HOMER1: variants seen among roughly 807,000 people sequenced by gnomAD.
HOMER1 encodes homer scaffold protein 1, also known as homer protein homolog 1.
Under a neutral mutation model 48.9 loss-of-function variants are expected in HOMER1, and 3 were observed. The observed-to-expected ratio is 0.06, with a 90% CI of 0.03 to 0.16. The LOEUF (loss-of-function observed/expected upper bound fraction) is 0.16. Among genes scored for constraint, HOMER1 ranks in the 10% least tolerant of loss-of-function variants. The pLI, the probability that HOMER1 is intolerant of heterozygous loss-of-function variation, is 1.00. For missense variants in HOMER1, 247 were observed against 411.4 expected (o/e 0.60, Z 3.46); for synonymous variants, 134 against 146.4 (o/e 0.92, Z 0.61).
chr5:79,502,195 T>C (rs939166195), intron 1 of HOMER1, among the ~76,000 whole-genome samples: 2 of 152,024 alleles, frequency 1.3e-5, no homozygotes, highest in Non-Finnish European at 2.9e-5. Flanking sequence ...AACTTTTGTA[T>C]TTTTAGTAGA....
At chr5:79,394,592 T>C (rs1749333684) in intron 8 of HOMER1, among the ~76,000 whole-genome samples, 2 of 152,314 alleles carry the variant, frequency 1.3e-5, no homozygotes, top group African/African-American at 4.8e-5. Flanking sequence ...TTCATACATT[T>C]ATTGAGAAAG....
At chr5:79,478,779 G>GT (rs1751863360) in intron 1 of HOMER1, among the ~76,000 whole-genome samples, 2 of 151,916 alleles carry the variant, frequency 1.3e-5, no homozygotes, top group African/African-American at 2.4e-5. Flanking sequence ...TGGTGAAACC[G>GT]TATCTCTACT....
intron 6 of HOMER1, among the ~76,000 whole-genome samples, chr5:79,400,754 T>TAAAGAAGAA (rs1749515172): frequency 6.8e-6 from 1 of 147,180 alleles, no homozygotes; most frequent in African/African-American, 2.5e-5. Flanking sequence ...TTTTTTTTTT[T>TAAAGAAGAA]GTTTTTTAGA....
intron 5 of HOMER1, among the ~76,000 whole-genome samples, chr5:79,438,489 T>C (rs570465329): frequency 1.1e-4 from 16 of 152,314 alleles, no homozygotes; most frequent in African/African-American, 3.4e-4. Context: ...AAGATAAATC[T>C]GCCATTAACA....
intron 2 of HOMER1, among the ~76,000 whole-genome samples, chr5:79,454,167 A>G (rs970100723): frequency 6.6e-6 from 1 of 152,240 alleles, no homozygotes; most frequent in African/African-American, 2.4e-5. Context: ...GTTAATCACT[A>G]AAATTCCTTC....
chr5:79,427,904 C>T (rs1049259647), intron 5 of HOMER1, among the ~76,000 whole-genome samples: 1 of 151,714 alleles, frequency 6.6e-6, no homozygotes, highest in African/African-American at 2.4e-5. Context: ...AAAAAATCAA[C>T]TAAACCTCTT....
At chr5:79,420,916 G>A (rs1487550657) in intron 5 of HOMER1, among the ~76,000 whole-genome samples, 2 of 152,122 alleles carry the variant, frequency 1.3e-5, no homozygotes, top group Non-Finnish European at 2.9e-5. Flanking sequence ...TGCTCAGTCT[G>A]GACACTAACT....
At chr5:79,426,393 T>C (rs1750252219) in intron 5 of HOMER1, among the ~76,000 whole-genome samples, 1 of 152,088 alleles carries the variant, frequency 6.6e-6, no homozygotes, top group Non-Finnish European at 1.5e-5. Flanking sequence ...AATGGATATC[T>C]ACAAATAGTA....
Position 79,376,134 on chromosome 5 carries a change from T to C in HOMER1, c.940A>G (p.Lys314Glu). 1 of 1,613,934 alleles carries C rather than the reference T, an allele frequency of 6.2e-7. No homozygotes were observed. Among genetic ancestry groups the C allele is most frequent in the Non-Finnish European group, 8.5e-7 (1 of 1,179,860 alleles). ...QLSDLEQRLE[K>E]SQNEQEAFRN... ...AAAGCTTCTTGTTCATTCTGACTTT[T>C]CTCCAGACGTTGCTCTAAGTCAGAC... The change falls in exon 9 of 9, where the codon AAA becomes GAA. Residue 314 changes from lysine to glutamate, a missense_variant. By Grantham distance (56) the Lys-to-Glu change is moderately conservative (BLOSUM62 1). Coordinates refer to ENST00000334082, the MANE Select transcript of HOMER1 (RefSeq NM_004272.5).
chr5:79,508,647 C>G (rs1183064336), intron 1 of HOMER1, among the ~76,000 whole-genome samples: 4 of 152,202 alleles, frequency 2.6e-5, no homozygotes, highest in Non-Finnish European at 5.9e-5. Flanking sequence ...TCTTATTTGT[C>G]TAAGAGGCTC....
At chr5:79,450,308 T>G (rs1477199138) in intron 3 of HOMER1, among the ~76,000 whole-genome samples, 1 of 152,178 alleles carries the variant, frequency 6.6e-6, no homozygotes, top group Non-Finnish European at 1.5e-5. Context: ...TTGTTTTTTC[T>G]TATATATTCT....
chr5:79,441,722 C>T (rs775718519), intron 4 of HOMER1, among the ~76,000 whole-genome samples: 1 of 151,776 alleles, frequency 6.6e-6, no homozygotes, highest in Non-Finnish European at 1.5e-5. Context: ...TTAGTATTTA[C>T]TGATGAGAAA....
chr5:79,499,860 A>G (rs1217332548), intron 1 of HOMER1, among the ~76,000 whole-genome samples: 1 of 152,190 alleles, frequency 6.6e-6, no homozygotes, highest in Non-Finnish European at 1.5e-5. Flanking sequence ...GCCACAGTAA[A>G]TTGTGTATCA....
intron 5 of HOMER1, among the ~76,000 whole-genome samples, chr5:79,416,256 C>T (rs76199581): frequency 0.026 from 4,009 of 152,236 alleles, 128 homozygotes; most frequent in East Asian, 0.12. Context: ...TTATTTATAG[C>T]AAGTTTAAAC....
At position 79,454,821 on chromosome 5, in the gene HOMER1, TAAC is replaced by T. The variant is rs546734285; in HGVS notation, c.162+2038_162+2040del. ...GGCAATAATCGCCTGATAATAGTAT[TAAC>T]AACAATAGCAGTGAGTGTTTGTATA... On this transcript the variant is annotated intron_variant, in intron 2 of 8. Transcript: ENST00000334082. 9.4e-4 allele frequency among the ~76,000 whole-genome samples: 143 copies of T among 152,300 alleles called. 1 individual carries two copies. Among genetic ancestry groups the T allele is most frequent in the South Asian group, 5.2e-3 (25 of 4,832 alleles).
intron 5 of HOMER1, among the ~76,000 whole-genome samples, chr5:79,410,088 A>C (rs1457139591): frequency 6.6e-6 from 1 of 152,230 alleles, no homozygotes; most frequent in Non-Finnish European, 1.5e-5. Flanking sequence ...TACCAAAAAT[A>C]AATTTTTATA....
chr5:79,403,608 A>C (rs570999890), intron 5 of HOMER1, among the ~76,000 whole-genome samples: 10 of 152,324 alleles, frequency 6.6e-5, no homozygotes, highest in Non-Finnish European at 1.0e-4. Context: ...AATAACAGTT[A>C]AATGCAAGGT....
intron 5 of HOMER1, among the ~76,000 whole-genome samples, chr5:79,422,592 C>T (rs993339433): frequency 6.7e-6 from 1 of 149,728 alleles, no homozygotes; most frequent in African/African-American, 2.5e-5. Context: ...ATCCATTCTA[C>T]TTCTCATGAG....
chr5:79,492,139 A>G (rs1752295038), intron 1 of HOMER1, among the ~76,000 whole-genome samples: 4 of 152,240 alleles, frequency 2.6e-5, no homozygotes. Flanking sequence ...TATCTTGGAT[A>G]AAGTAAAATT....
Sources: allele counts gnomAD v4.1 joint callset (sites outside exome capture counted in the v4.1 genomes callset), GRCh38; gene constraint gnomAD v4.1.1; transcripts MANE v1.5; gene names NCBI Gene and HGNC (gene_info 2026-07-23, HGNC 2026-07-21).